CEP104: variants seen among roughly 807,000 people sequenced by gnomAD.
CEP104 encodes centrosomal protein of 104 kDa.
CEP104 carries 84 observed loss-of-function variants against 113.3 expected under a neutral mutation model. The observed-to-expected ratio is 0.74, with a 90% confidence interval of 0.62 to 0.89. The LOEUF is 0.89. Ranked by LOEUF, CEP104 falls within the 40% of genes least tolerant of loss-of-function variation. The pLI is 0.00. For synonymous variants in CEP104, 378 were observed against 421.7 expected (o/e 0.90, Z 1.27); for missense variants, 1,053 against 1,156.6 (o/e 0.91, Z 1.30).
chr1:3,844,798 C>G, intron 6 of CEP104, 109 bp downstream of exon 6: 1 of 859,086 alleles, frequency 1.2e-6, no homozygotes, highest in Non-Finnish European at 1.9e-6. Flanking sequence ...TTATCCAGCT[C>G]TAAACTGAAT....
chr1:3,852,347 C>G lies in CEP104; in HGVS notation c.61G>C (p.Ala21Pro). 3 of 1,614,094 alleles carry G rather than the reference C, an allele frequency of 1.9e-6. No homozygotes were observed. Among genetic ancestry groups the G allele is most frequent in the Non-Finnish European group, 2.5e-6 (3 of 1,180,026 alleles). Reference protein sequence around the residue: ...SSSGHEDGFSARELMIHAPTV... With the variant: ...SSSGHEDGFSPRELMIHAPTV... ...GGCGCGTGGATCATGAGCTCCCGGG[C>G]ACTGAAGCCGTCTTCGTGTCCAGAT... The change falls in exon 2 of 22, where the codon GCC becomes CCC. Residue 21 changes from alanine (A) to proline (P), a missense_variant. Ala to Pro is a conservative substitution (Grantham distance 27, BLOSUM62 -1). Transcript: ENST00000378230.
rs138041564 is a variant in CEP104 at position 3,837,333 on chromosome 1, C to G, written c.1078G>C (p.Asp360His). The change falls in exon 9 of 22, where the codon GAC (aspartate) becomes CAC (histidine). Residue 360 changes from aspartate to histidine, a missense_variant. Coordinates refer to ENST00000378230, the MANE Select transcript of CEP104 (RefSeq NM_014704.4). ...GGATCTGTGGCAGGGAGTAACGGGTCTACTGCAGAATGCTGAGGAGAAATA... is the reference window on the plus strand; with the variant it reads ...GGATCTGTGGCAGGGAGTAACGGGTGTACTGCAGAATGCTGAGGAGAAATA... ...LTISPQHSAV[D>H]PLLPATDPHP... 1.4e-5 allele frequency: 23 copies of G among 1,613,852 alleles called. No homozygotes were observed. Among genetic ancestry groups the G allele is most frequent in the Non-Finnish European group, 1.9e-5 (22 of 1,179,892 alleles).
At chr1:3,856,137 G>A (rs866694537) in intron 1 of CEP104, among the ~76,000 whole-genome samples, 2 of 152,348 alleles carry the variant, frequency 1.3e-5, no homozygotes, top group African/African-American at 4.8e-5. Context: ...GACTGCGCGC[G>A]GTGGCTCATG....
Position 3,815,387 on chromosome 1 carries a change from A to G in CEP104, c.*15T>C. 6.3e-7 allele frequency: 1 copy of G among 1,579,274 alleles called. No individual in the cohort carries two copies. Among genetic ancestry groups the G allele is most frequent in the Non-Finnish European group, 8.6e-7 (1 of 1,157,118 alleles). On this transcript the variant is annotated 3_prime_UTR_variant, in exon 22 of 22. Transcript: ENST00000378230. ...GCTCCATCCCTCACAGAGACCAAGG[A>G]GCCCGAGCGCCGCGTCAGCGCTTGG...
intron 9 of CEP104, 64 bp downstream of exon 9, chr1:3,837,228 A>G: frequency 2.2e-6 from 3 of 1,369,006 alleles, no homozygotes; most frequent in Non-Finnish European, 3.1e-6. Flanking sequence ...AGCACCTGGC[A>G]CAACACATGT....
At position 3,848,722 on chromosome 1, in the gene CEP104, T is replaced by A; in HGVS notation, c.173A>T (p.Lys58Ile). The change falls in exon 3 of 22, where the codon AAA becomes ATA. Residue 58 changes from lysine to isoleucine, a missense_variant. Physicochemically the swap from Lys to Ile is moderately radical, Grantham distance 102. Transcript: ENST00000378230. Reference protein sequence around the residue: ...LQMVERCRIRKLQLLAHQYMI... With the variant: ...LQMVERCRIRILQLLAHQYMI... The stretch of plus-strand genomic sequence containing the variant: ...ATACTGGTGAGCAAGTAACTGCAGT[T>A]TCCTTATTCGACATCTCTCCACCAT... 1 of 1,613,534 alleles carries A rather than the reference T, an allele frequency of 6.2e-7. No homozygotes were observed. Among genetic ancestry groups the A allele is most frequent in the Admixed American group, 1.7e-5 (1 of 59,908 alleles).
At chr1:3,830,345 C>T (rs1371740369) in intron 13 of CEP104, among the ~76,000 whole-genome samples, 1 of 151,912 alleles carries the variant, frequency 6.6e-6, no homozygotes, top group Non-Finnish European at 1.5e-5. Context: ...GATTTGGGAT[C>T]CAAACCAGTA....
At chr1:3,830,136 T>C in intron 13 of CEP104, 139 bp from the exon 14 acceptor site, 1 of 645,126 alleles carries the variant, frequency 1.6e-6, no homozygotes, top group Non-Finnish European at 2.7e-6. Flanking sequence ...ACTTCAAACA[T>C]AAAACCTCAC....
rs558269535 is a variant in CEP104 at position 3,834,395 on chromosome 1, T to C, written c.1486-360A>G. On this transcript the variant is annotated intron_variant, in intron 11 of 21. Coordinates refer to ENST00000378230, the MANE Select transcript of CEP104 (RefSeq NM_014704.4). ...ATACCGAGTATCTAACAACCCTGCT[T>C]CAATGGGTAAGCCCAAATCTTCCCT... Among the ~76,000 whole-genome samples the C allele has an allele frequency of 1.4e-4, 21 of 150,706 alleles. No individual in the cohort carries two copies. The South Asian group carries it at 4.3e-3, about 31-fold the overall frequency.
At chr1:3,820,996 G>C (rs1478128421) in intron 20 of CEP104, among the ~76,000 whole-genome samples, 1 of 152,254 alleles carries the variant, frequency 6.6e-6, no homozygotes, top group Non-Finnish European at 1.5e-5. Flanking sequence ...GGAAGTGTGT[G>C]TGCATGAGTG....
Position 3,831,090 on chromosome 1 carries a change from G to T in CEP104, c.1792C>A (p.Leu598Met). 1.2e-6 allele frequency: 2 copies of T among 1,614,174 alleles called. No individual in the cohort carries two copies. Among genetic ancestry groups the T allele is most frequent in the Non-Finnish European group, 1.7e-6 (2 of 1,180,038 alleles). ...GTGAAGCCCGAGCTGCCAGTGCCCA[G>T]GTCTTTCAGCAGCCGGGCCAGGAGG... is the stretch of plus-strand genomic sequence containing the variant. Reference protein sequence around the residue: ...MGLLARLLKDLGTGSSGFTID... With the variant: ...MGLLARLLKDMGTGSSGFTID... Residue 598 changes from leucine (L) to methionine (M), a missense_variant, in exon 13 of 22, where the codon CTG becomes ATG. Leu to Met is a conservative substitution (Grantham distance 15). Transcript: ENST00000378230.
At chr1:3,842,194 C>T (rs923714363) in intron 6 of CEP104, among the ~76,000 whole-genome samples, 40 of 152,226 alleles carry the variant, frequency 2.6e-4, no homozygotes, top group Non-Finnish European at 5.0e-4. Context: ...ATTCTCCCAC[C>T]TCAGCCTTCT....
At chr1:3,826,301 C>T in intron 17 of CEP104, 69 bp downstream of exon 17, 1 of 1,409,760 alleles carries the variant, frequency 7.1e-7, no homozygotes, top group East Asian at 2.3e-5. Flanking sequence ...GACGCATTCC[C>T]TTTCCAGGGT....
At chr1:3,847,681 T>C (rs149771866) in intron 3 of CEP104, 68 bp from the exon 4 acceptor site, 11 of 1,492,182 alleles carry the variant, frequency 7.4e-6, no homozygotes, top group Admixed American at 5.1e-5. Context: ...CCTACTCTGA[T>C]TGAACTCAAT....
intron 10 of CEP104, among the ~76,000 whole-genome samples, chr1:3,836,091 G>A (rs1267823392): frequency 1.3e-5 from 2 of 152,028 alleles, no homozygotes; most frequent in African/African-American, 4.8e-5. Flanking sequence ...CACAAGATCA[G>A]GAGATCGAGA....
intron 9 of CEP104, 85 bp from the exon 10 acceptor site, chr1:3,836,777 G>A: frequency 8.5e-7 from 1 of 1,179,678 alleles, no homozygotes; most frequent in South Asian, 1.3e-5. Flanking sequence ...CAGGCTTACT[G>A]CGCTTACTTA....
chr1:3,843,839 A>C (rs946774248), intron 6 of CEP104, among the ~76,000 whole-genome samples: 1 of 151,530 alleles, frequency 6.6e-6, no homozygotes, highest in African/African-American at 2.4e-5. Context: ...TCGGCTCACC[A>C]CAACCTTCAC....
Position 3,823,064 on chromosome 1 carries a change from G to A in CEP104, c.2571+110C>T, listed in dbSNP as rs1644010139. 2.0e-6 allele frequency: 2 copies of A among 991,100 alleles called. No individual in the cohort carries two copies. The highest frequency in any genetic ancestry group is 1.6e-6 in the Non-Finnish European group (1 of 626,946). 61.4% of individuals were successfully genotyped at this position (991,100 alleles called of 1,614,324 possible). On this transcript the variant is annotated intron_variant, in intron 20 of 21. Coordinates refer to ENST00000378230, the MANE Select transcript of CEP104 (RefSeq NM_014704.4). This position sits in a 1 kb window ranked among gnomAD's most constrained non-coding sequence, Gnocchi z 4.1. The stretch of plus-strand genomic sequence containing the variant: ...CGCTGTCCCCTCCCTGAACACTCAT[G>A]TACTGTACTCTGTGGCTATGGTCCC...
At chr1:3,831,005 G>A (rs193031515) in intron 13 of CEP104, 41 bp downstream of exon 13, 31 of 1,586,182 alleles carry the variant, frequency 2.0e-5, no homozygotes, top group African/African-American at 2.7e-5. Context: ...ACTGTGGTGA[G>A]TGCTGGGCCG....
Sources: allele counts gnomAD v4.1 joint callset (sites outside exome capture counted in the v4.1 genomes callset), GRCh38; gene constraint gnomAD v4.1.1; non-coding constraint Gnocchi (gnomAD v3.1); transcripts MANE v1.5; gene names NCBI Gene and HGNC (gene_info 2026-07-23, HGNC 2026-07-21).